Variants in PRKCB observed in about 807,000 individuals in gnomAD.
PRKCB encodes the protein protein kinase C beta type.
In PRKCB, 13 loss-of-function variants were observed where a neutral mutation model predicts 81.5. That is an observed-to-expected ratio of 0.16 (90% CI 0.10 to 0.25). The LOEUF (loss-of-function observed/expected upper bound fraction) is 0.25, where lower values mean the gene tolerates loss of function less well. PRKCB is among the 10% of genes least tolerant of loss of function. PRKCB has a pLI of 1.00. For synonymous variants in PRKCB, 335 were observed against 321.4 expected, an observed-to-expected ratio of 1.04 and a Z score of -0.45; for missense variants, 509 against 875.7, an observed-to-expected ratio of 0.58 and a Z score of 5.29.
chr16:24,009,817 C>G (rs1429904351), intron 3 of PRKCB, among the ~76,000 whole-genome samples: 2 of 151,874 alleles, frequency 1.3e-5, no homozygotes, highest in African/African-American at 4.8e-5. Context: ...GAGTTTGAGA[C>G]CAGCCTGACC....
At chr16:23,900,463 G>A (rs1271660498) in intron 2 of PRKCB, among the ~76,000 whole-genome samples, 2 of 152,098 alleles carry the variant, frequency 1.3e-5, no homozygotes, top group African/African-American at 4.8e-5. Flanking sequence ...GGTACAACAA[G>A]GTATACAGTG....
intron 4 of PRKCB, among the ~76,000 whole-genome samples, chr16:24,034,516 T>C (rs1038912398): frequency 6.6e-6 from 1 of 152,018 alleles, no homozygotes; most frequent in African/African-American, 2.4e-5. Context: ...TACGGAGGAG[T>C]GCGCAGAGGG....
At chr16:24,048,490 C>G (rs1286358433) in intron 5 of PRKCB, among the ~76,000 whole-genome samples, 2 of 138,240 alleles carry the variant, frequency 1.4e-5, no homozygotes. Flanking sequence ...CTTTTCTTTT[C>G]TTTCTTTTTT....
At chr16:24,002,576 C>T (rs1424273821) in intron 3 of PRKCB, among the ~76,000 whole-genome samples, 2 of 151,924 alleles carry the variant, frequency 1.3e-5, no homozygotes, top group East Asian at 1.9e-4. Context: ...TGACCTCAAG[C>T]GTTCTGCCTG....
At chr16:24,182,956 A>G (rs1176820401) in intron 13 of PRKCB, among the ~76,000 whole-genome samples, 1 of 148,146 alleles carries the variant, frequency 6.8e-6, no homozygotes, top group African/African-American at 2.5e-5. Flanking sequence ...TCCTGGATTC[A>G]TGCCATTCTC....
At chr16:24,069,787 T>G (rs1966084605) in intron 5 of PRKCB, among the ~76,000 whole-genome samples, 1 of 152,176 alleles carries the variant, frequency 6.6e-6, no homozygotes. Context: ...TAGTATGTGC[T>G]CAATAAAAGT....
chr16:23,915,281 C>T (rs1597243584), intron 2 of PRKCB, among the ~76,000 whole-genome samples: 2 of 152,128 alleles, frequency 1.3e-5, no homozygotes, highest in African/African-American at 4.8e-5. Flanking sequence ...CTGGCCATGG[C>T]GATATTTTCT....
At chr16:24,137,044 ATTTTTT>A (rs11321761) in intron 9 of PRKCB, among the ~76,000 whole-genome samples, 41 of 139,612 alleles carry the variant, frequency 2.9e-4, no homozygotes, top group Non-Finnish European at 5.1e-4. Flanking sequence ...TGCCCGGCTA[ATTTTTT>A]TTTTTTTTTT....
rs139642727 is a variant in PRKCB at position 23,861,779 on chromosome 16, G to T, written c.205+24373G>T. ...GCTATGTTTTGACCATGAGGGACAA[G>T]GTTGGCAAGCTGTAAATGGCAGTGT... is the stretch of plus-strand genomic sequence containing the variant. On this transcript the variant is annotated intron_variant, in intron 2 of 16. Coordinates refer to ENST00000643927, the MANE Select transcript of PRKCB (RefSeq NM_002738.7). Among the ~76,000 whole-genome samples the T allele has an allele frequency of 4.8e-3, 731 of 152,326 alleles. 1 individual carries two copies. Among genetic ancestry groups the T allele is most frequent in the Non-Finnish European group, 7.5e-3 (509 of 68,026 alleles).
intron 5 of PRKCB, among the ~76,000 whole-genome samples, chr16:24,086,773 G>C (rs1382932591): frequency 6.6e-6 from 1 of 152,070 alleles, no homozygotes. Context: ...CCTCAGAGGT[G>C]GACATTATTT....
chr16:23,970,131 T>C (rs1216987787), intron 2 of PRKCB, among the ~76,000 whole-genome samples: 1 of 152,210 alleles, frequency 6.6e-6, no homozygotes, highest in Admixed American at 6.5e-5. Context: ...TGACAGGGTA[T>C]TAAAACGTGA....
intron 3 of PRKCB, 150 bp downstream of exon 3, chr16:23,988,740 T>G (rs3729889): frequency 0.019 from 14,035 of 723,184 alleles, 178 homozygotes; most frequent in Non-Finnish European, 0.024. Flanking sequence ...AGTTTTCCTT[T>G]TAGTGGAAAA....
intron 2 of PRKCB, among the ~76,000 whole-genome samples, chr16:23,979,488 T>C (rs1450033127): frequency 2.6e-5 from 4 of 152,192 alleles, no homozygotes; most frequent in Non-Finnish European, 5.9e-5. Context: ...GCAACTGCAA[T>C]CTCTGTGGAC....
intron 5 of PRKCB, among the ~76,000 whole-genome samples, chr16:24,045,419 A>G (rs1965751820): frequency 6.6e-6 from 1 of 152,118 alleles, no homozygotes; most frequent in African/African-American, 2.4e-5. Flanking sequence ...GGTCGCTGGC[A>G]TCATCCTTGC....
In PRKCB at chr16:24,121,734, A is replaced by G. The variant is rs576136231; in HGVS notation, c.919-2101A>G. 4.1e-4 allele frequency among the ~76,000 whole-genome samples: 62 copies of G among 152,322 alleles called. 1 individual carries two copies. Among genetic ancestry groups the G allele is most frequent in the South Asian group, 1.5e-3 (7 of 4,818 alleles). On this transcript the variant is annotated intron_variant, in intron 8 of 16. Transcript: ENST00000643927. ...CCCTGATATTCAAAACTTTGGAAAG[A>G]TTTATTTTGCCTCTTTATCTTCAAA... is the stretch of plus-strand genomic sequence containing the variant.
At chr16:23,956,979 T>TAAAAAAA (rs10714409) in intron 2 of PRKCB, among the ~76,000 whole-genome samples, 4 of 45,954 alleles carry the variant, frequency 8.7e-5, no homozygotes, top group African/African-American at 3.6e-4. Flanking sequence ...CTATAGGCAG[T>TAAAAAAA]AAAAAAAAAA....
At chr16:24,161,195 C>A (rs1454501438) in intron 10 of PRKCB, among the ~76,000 whole-genome samples, 3 of 151,968 alleles carry the variant, frequency 2.0e-5, no homozygotes, top group Non-Finnish European at 4.4e-5. Flanking sequence ...TTTTAAAAAT[C>A]AATTTTTAAA....
At position 24,135,595 on chromosome 16, in the gene PRKCB, G is replaced by A. The variant is rs112656273; in HGVS notation, c.1065+11614G>A. On this transcript the variant is annotated intron_variant, in intron 9 of 16. Transcript: ENST00000643927. ...CCCAAAGTGATGGGATTACAGGCTTGAGCCACCACACCTGGCCTCACAGCA... is the reference window on the plus strand; with the variant it reads ...CCCAAAGTGATGGGATTACAGGCTTAAGCCACCACACCTGGCCTCACAGCA... Among the ~76,000 whole-genome samples the A allele has an allele frequency of 6.9e-3, 1,057 of 152,210 alleles. 7 individuals carry two copies. Among genetic ancestry groups the A allele is most frequent in the African/African-American group, 0.024 (989 of 41,516 alleles).
At chr16:23,943,349 A>G (rs1300161337) in intron 2 of PRKCB, among the ~76,000 whole-genome samples, 1 of 152,068 alleles carries the variant, frequency 6.6e-6, no homozygotes, top group African/African-American at 2.4e-5. Flanking sequence ...ACATAGCAAG[A>G]CCCCATCTCT....
Sources: gnomAD v4.1 joint callset for allele counts (sites outside exome capture counted in the v4.1 genomes callset) on GRCh38, gnomAD v4.1.1 for gene constraint, MANE v1.5 for transcripts, NCBI Gene and HGNC (gene_info 2026-07-23, HGNC 2026-07-21) for gene names.